Variants in NRP2 observed in about 807,000 individuals in gnomAD.
The protein encoded by NRP2 is neuropilin-2.
NRP2 carries 52 observed loss-of-function variants against 110.4 expected under a neutral mutation model. The observed-to-expected ratio is 0.47, with a 90% CI of 0.38 to 0.59. The LOEUF is 0.59. Ranked by LOEUF, NRP2 falls within the 20% of genes least tolerant of loss-of-function variation. NRP2 has a pLI of 0.00. For synonymous variants in NRP2, 508 were observed against 468.9 expected, an observed-to-expected ratio of 1.08 and a Z score of -1.08; for missense variants, 1,049 against 1,203.0, an observed-to-expected ratio of 0.87 and a Z score of 1.89.
chr2:205,728,922 G>A (rs1246697839), intron 7 of NRP2, among the ~76,000 whole-genome samples: 6 of 152,180 alleles, frequency 3.9e-5, no homozygotes, highest in Admixed American at 3.3e-4. Flanking sequence ...ATTCCTAGGG[G>A]CTGCCTGTCC....
At chr2:205,695,787 G>A (rs1340596116) in intron 1 of NRP2, among the ~76,000 whole-genome samples, 2 of 152,160 alleles carry the variant, frequency 1.3e-5, no homozygotes, top group African/African-American at 4.8e-5. Flanking sequence ...GCATAAGCCA[G>A]GACCAACGGG....
intron 2 of NRP2, chr2:205,701,241 G>A (rs1398886818): frequency 1.3e-5 from 2 of 152,478 alleles, no homozygotes; most frequent in African/African-American, 4.8e-5. Flanking sequence ...CCAAAACCAG[G>A]AGGCTGGGTC....
intron 2 of NRP2, among the ~76,000 whole-genome samples, chr2:205,710,979 TGA>T (rs1485540428): frequency 6.6e-6 from 1 of 152,254 alleles, no homozygotes; most frequent in Non-Finnish European, 1.5e-5. Context: ...CAGCATGATT[TGA>T]GATGTTTCTT....
At chr2:205,726,305 T>A (rs1241227435) in intron 6 of NRP2, among the ~76,000 whole-genome samples, 1 of 152,228 alleles carries the variant, frequency 6.6e-6, no homozygotes, top group Admixed American at 6.5e-5. Context: ...TGGGGATTAC[T>A]GGGCCTGGGG....
intron 12 of NRP2, chr2:205,761,941 T>C (rs780331066): frequency 6.6e-6 from 1 of 152,236 alleles, no homozygotes; most frequent in Non-Finnish European, 1.5e-5. Flanking sequence ...TAAAGCATTA[T>C]GCAAGAATGA....
intron 15 of NRP2, among the ~76,000 whole-genome samples, chr2:205,785,583 T>C (rs2058227377): frequency 6.6e-6 from 1 of 152,240 alleles, no homozygotes; most frequent in Non-Finnish European, 1.5e-5. Context: ...AAAGAGGTTC[T>C]AGAATTTTCT....
At chr2:205,793,865 C>T (rs895009845) in intron 16 of NRP2, among the ~76,000 whole-genome samples, 1 of 152,054 alleles carries the variant, frequency 6.6e-6, no homozygotes, top group African/African-American at 2.4e-5. Flanking sequence ...CAATAAGGCA[C>T]GATGCCTTAT....
intron 15 of NRP2, among the ~76,000 whole-genome samples, chr2:205,789,744 G>A (rs2058277112): frequency 6.6e-6 from 1 of 152,114 alleles, no homozygotes; most frequent in Non-Finnish European, 1.5e-5. Flanking sequence ...AGAACTACAG[G>A]GACCTAATGA....
chr2:205,721,085 T>C (rs1045070989), intron 3 of NRP2, among the ~76,000 whole-genome samples: 1 of 152,240 alleles, frequency 6.6e-6, no homozygotes, highest in African/African-American at 2.4e-5. Context: ...TTTATTTGCA[T>C]GGCACTTCTT....
At chr2:205,745,922 A>G (rs769523102) in intron 10 of NRP2, 32 bp downstream of exon 10, 1 of 1,613,100 alleles carries the variant, frequency 6.2e-7, no homozygotes, top group East Asian at 2.2e-5. Context: ...TTTGCATCTC[A>G]CCCACATGGT....
At chr2:205,760,504 C>T (rs1226285298) in intron 12 of NRP2, among the ~76,000 whole-genome samples, 1 of 152,194 alleles carries the variant, frequency 6.6e-6, no homozygotes, top group Non-Finnish European at 1.5e-5. Flanking sequence ...GAATTATGAT[C>T]CTTCAGCTGC....
At chr2:205,787,234 T>G (rs1452934085) in intron 15 of NRP2, among the ~76,000 whole-genome samples, 1 of 152,118 alleles carries the variant, frequency 6.6e-6, no homozygotes, top group Non-Finnish European at 1.5e-5. Context: ...GCCCCCAGCC[T>G]AGGGCCCTCC....
chr2:205,755,811 C>T (rs1214877302), intron 12 of NRP2, among the ~76,000 whole-genome samples: 2 of 152,002 alleles, frequency 1.3e-5, no homozygotes, highest in East Asian at 1.9e-4. Context: ...TATGCTTCAT[C>T]CCCTGATGAG....
At chr2:205,720,221 A>T (rs2056982223) in intron 3 of NRP2, among the ~76,000 whole-genome samples, 1 of 151,094 alleles carries the variant, frequency 6.6e-6, no homozygotes, top group African/African-American at 2.4e-5. Context: ...GCCAAAGGAT[A>T]TACCCATTTA....
At chr2:205,728,174 G>T in intron 7 of NRP2, 128 bp downstream of exon 7, 1 of 1,115,382 alleles carries the variant, frequency 9.0e-7, no homozygotes, top group South Asian at 1.3e-5. Flanking sequence ...ATTGATGGAG[G>T]CAAGGGTCGT....
chr2:205,693,708 T>TC (rs2056362256), intron 1 of NRP2, among the ~76,000 whole-genome samples: 1 of 152,152 alleles, frequency 6.6e-6, no homozygotes, highest in Admixed American at 6.5e-5. Context: ...GGTAACCCAG[T>TC]CCCATCACCC....
intron 15 of NRP2, among the ~76,000 whole-genome samples, chr2:205,788,610 T>G (rs1169182648): frequency 6.6e-6 from 1 of 152,230 alleles, no homozygotes; most frequent in Non-Finnish European, 1.5e-5. Flanking sequence ...AATCCCCCGA[T>G]GCCCAACTTG....
intron 1 of NRP2, among the ~76,000 whole-genome samples, chr2:205,684,887 C>T (rs1217235467): frequency 2.6e-5 from 4 of 152,218 alleles, no homozygotes; most frequent in Admixed American, 6.5e-5. Flanking sequence ...GCGCGCGCGC[C>T]GTGAGGATGC....
Position 205,725,898 on chromosome 2 carries a change from G to T in NRP2, c.821-15G>T. On this transcript the variant is annotated splice_polypyrimidine_tract_variant and intron_variant, in intron 5 of 16. Transcript: ENST00000357785. This position sits in a 1 kb window ranked among gnomAD's most constrained non-coding sequence, Gnocchi z 4.1. ...TTGGAAGGCCTAACTGCATTTGACC[G>T]TCTGCTTTCCCCAGACTTTCAGTGC... 1 of 1,613,746 alleles carries T rather than the reference G, an allele frequency of 6.2e-7. No homozygotes were observed. The highest frequency in any genetic ancestry group is 8.5e-7 in the Non-Finnish European group (1 of 1,179,984).
Sources: gnomAD v4.1 joint callset for allele counts (sites outside exome capture counted in the v4.1 genomes callset) on GRCh38, gnomAD v4.1.1 for gene constraint, Gnocchi (gnomAD v3.1) non-coding constraint, MANE v1.5 for transcripts, NCBI Gene and HGNC (gene_info 2026-07-23, HGNC 2026-07-21) for gene names.